LAMA3: variants seen among roughly 807,000 people sequenced by gnomAD.
LAMA3 encodes laminin subunit alpha-3.
In LAMA3, 281 loss-of-function variants were observed where a neutral mutation model predicts 402.0. That is an observed-to-expected ratio of 0.70 (90% CI 0.63 to 0.77). The LOEUF (loss-of-function observed/expected upper bound fraction) is 0.77. LAMA3 is among the 30% of genes least tolerant of loss of function. LAMA3 has a pLI of 0.00. For missense variants in LAMA3, 3,840 were observed against 4,215.5 expected (o/e 0.91, Z 2.47); for synonymous variants, 1,431 against 1,558.4 (o/e 0.92, Z 1.93).
At chr18:23,694,322 A>G (rs538171472) in intron 1 of LAMA3, among the ~76,000 whole-genome samples, 1 of 152,362 alleles carries the variant, frequency 6.6e-6, no homozygotes, top group African/African-American at 2.4e-5. Context: ...TATACTGTGC[A>G]TACTGTGTAT....
chr18:23,758,313 G>A, intron 6 of LAMA3, 83 bp from the exon 7 acceptor site: 4 of 924,816 alleles, frequency 4.3e-6, no homozygotes, highest in Non-Finnish European at 5.2e-6. Context: ...GTGATGACTC[G>A]TGTGTCAGGT....
intron 29 of LAMA3, among the ~76,000 whole-genome samples, chr18:23,843,600 CCTCCGCA>C (rs2063752171): frequency 6.6e-6 from 1 of 152,216 alleles, no homozygotes; most frequent in Non-Finnish European, 1.5e-5. Flanking sequence ...TCCAGTGCCT[CCTCCGCA>C]CTCCTGGCCA....
rs1169182678 is a variant in LAMA3, at chr18:23,876,311, C to T, written c.5016C>T (p.Tyr1672=). The T allele has an allele frequency of 1.9e-6, 3 of 1,612,940 alleles. No individual in the cohort carries two copies. The South Asian group carries it at 3.3e-5, about 18-fold the overall frequency. ...AAAAATAGGGTTGTAGCCCTGGATA[C>T]TATCGGGATCATAAAGGCTTGTATA... The part of the protein sequence containing the change: ...GDSCQGCSPG[Y]YRDHKGLYTG... Residue 1672 remains tyrosine, a synonymous_variant, in exon 39 of 75, where the codon TAC becomes TAT. Transcript: ENST00000313654.
Position 23,763,411 on chromosome 18 carries a change from A to G in LAMA3, c.1070A>G (p.Asn357Ser), listed in dbSNP as rs2062013051. The G allele has an allele frequency of 4.3e-6, 7 of 1,610,424 alleles. No individual in the cohort carries two copies. Among genetic ancestry groups the G allele is most frequent in the Non-Finnish European group, 5.9e-6 (7 of 1,176,702 alleles). Residue 357 changes from asparagine to serine, a missense_variant, in exon 8 of 75, where the codon AAC (asparagine) becomes AGC (serine). Transcript: ENST00000313654. Reference protein sequence around the residue: ...WEQSHECEACNCHGHASNCYY... With the variant: ...WEQSHECEACSCHGHASNCYY... Reference sequence around the variant, plus strand: ...TATTATGCTTTTTTTTCAGCATGCAACTGCCACGGCCATGCCAGCAACTGT... The same window carrying G: ...TATTATGCTTTTTTTTCAGCATGCAGCTGCCACGGCCATGCCAGCAACTGT...
chr18:23,939,690 C>T (rs1169194167), intron 68 of LAMA3, among the ~76,000 whole-genome samples: 1 of 152,168 alleles, frequency 6.6e-6, no homozygotes, highest in Non-Finnish European at 1.5e-5. Context: ...TCTAAAGCTG[C>T]TGTTTATTTC....
At chr18:23,941,341 G>A (rs867413467) in intron 68 of LAMA3, among the ~76,000 whole-genome samples, 6 of 30,524 alleles carry the variant, frequency 2.0e-4, no homozygotes, top group South Asian at 1.0e-3. Flanking sequence ...CCCCCCGCCC[G>A]GCAGCTTCTC....
intron 1 of LAMA3, among the ~76,000 whole-genome samples, chr18:23,695,570 C>T (rs1249908637): frequency 6.6e-6 from 1 of 151,886 alleles, no homozygotes; most frequent in Non-Finnish European, 1.5e-5. Flanking sequence ...ACTTATAATC[C>T]TAGCACTTTG....
intron 2 of LAMA3, among the ~76,000 whole-genome samples, chr18:23,717,235 T>C (rs575297994): frequency 6.6e-6 from 1 of 152,316 alleles, no homozygotes; most frequent in South Asian, 2.1e-4. Context: ...TTCCTTTTGC[T>C]GGAATTAACC....
intron 1 of LAMA3, among the ~76,000 whole-genome samples, chr18:23,712,228 A>C (rs779626485): frequency 2.0e-5 from 3 of 152,098 alleles, no homozygotes; most frequent in Non-Finnish European, 2.9e-5. Context: ...TAAAAGTACA[A>C]AATTAGCCGG....
At position 23,758,390 on chromosome 18, in the gene LAMA3, G is replaced by T; in HGVS notation, c.948-6G>T. The T allele has an allele frequency of 1.2e-6, 2 of 1,611,490 alleles. No homozygotes were observed. Among genetic ancestry groups the T allele is most frequent in the Non-Finnish European group, 1.7e-6 (2 of 1,177,892 alleles). On this transcript the variant is annotated splice_polypyrimidine_tract_variant and splice_region_variant and intron_variant, in intron 6 of 74. Transcript: ENST00000313654. ...TAACTGAGATGCACTTCGCCCACAT[G>T]CCCAGGTTTCGGTGTGAATGCCAGC...
intron 24 of LAMA3, among the ~76,000 whole-genome samples, chr18:23,835,690 G>A (rs149867641): frequency 6.6e-6 from 1 of 152,276 alleles, no homozygotes; most frequent in African/African-American, 2.4e-5. Context: ...TCATGTGGAT[G>A]AGTGAAAATC....
At chr18:23,696,867 A>G (rs917834944) in intron 1 of LAMA3, among the ~76,000 whole-genome samples, 1 of 152,068 alleles carries the variant, frequency 6.6e-6, no homozygotes, top group Admixed American at 6.6e-5. Flanking sequence ...AACCTTTCCT[A>G]TACTTGATGC....
At chr18:23,827,507 C>G (rs866046902) in intron 23 of LAMA3, 40 bp downstream of exon 23, 1 of 1,603,492 alleles carries the variant, frequency 6.2e-7, no homozygotes, top group South Asian at 1.1e-5. Context: ...TTATTACTAC[C>G]TCCCCATCTG....
At chr18:23,837,386 T>C (rs2063604423) in intron 25 of LAMA3, 1 of 322,388 alleles carries the variant, frequency 3.1e-6, no homozygotes, top group Non-Finnish European at 5.8e-6. Flanking sequence ...TTATATTTCC[T>C]AGTTTACCAT....
chr18:23,744,864 G>A (rs893818098), intron 2 of LAMA3, among the ~76,000 whole-genome samples: 2 of 141,434 alleles, frequency 1.4e-5, no homozygotes, highest in Non-Finnish European at 3.0e-5. Flanking sequence ...AAAATCAAAC[G>A]TTACCTAGAA....
chr18:23,896,031 C>A (rs1027976510), intron 44 of LAMA3, among the ~76,000 whole-genome samples: 1 of 152,138 alleles, frequency 6.6e-6, no homozygotes, highest in African/African-American at 2.4e-5. Context: ...ATCTGTAACC[C>A]ATGTGTTATT....
At chr18:23,823,306 C>T (rs1448134710) in intron 20 of LAMA3, among the ~76,000 whole-genome samples, 2 of 152,238 alleles carry the variant, frequency 1.3e-5, no homozygotes, top group Non-Finnish European at 2.9e-5. Flanking sequence ...TTGCCAGCCA[C>T]AGCTGGATGT....
intron 15 of LAMA3, 135 bp from the exon 16 acceptor site, chr18:23,815,053 T>C (rs542666249): frequency 1.9e-5 from 15 of 773,366 alleles, no homozygotes; most frequent in East Asian, 5.3e-5. Flanking sequence ...GCCTCAGCGA[T>C]GCAAACTCTC....
chr18:23,828,410 A>G (rs1254580530), intron 23 of LAMA3, among the ~76,000 whole-genome samples: 1 of 152,252 alleles, frequency 6.6e-6, no homozygotes, highest in Non-Finnish European at 1.5e-5. Flanking sequence ...ATAGATATGC[A>G]TAAAAAACCT....
Sources: allele counts gnomAD v4.1 joint callset (sites outside exome capture counted in the v4.1 genomes callset), GRCh38; gene constraint gnomAD v4.1.1; transcripts MANE v1.5; gene names NCBI Gene and HGNC (gene_info 2026-07-23, HGNC 2026-07-21).